The following RUFY3 variants were observed in gnomAD, a reference collection of about 807,000 sequenced individuals.
RUFY3 encodes RUN and FYVE domain containing 3.
Under a neutral mutation model 84.0 loss-of-function variants are expected in RUFY3, and 34 were observed. The observed-to-expected ratio is 0.40, with a 90% CI of 0.31 to 0.54. The LOEUF is 0.54. RUFY3 is among the 20% of genes least tolerant of loss of function. The pLI is 0.39. For synonymous variants in RUFY3, 242 were observed against 252.9 expected (o/e 0.96, Z 0.41); for missense variants, 507 against 736.8 (o/e 0.69, Z 3.61).
chr4:70,758,477 T>C lies in RUFY3; in HGVS notation c.179-4042T>C, dbSNP rs560415803. Among the ~76,000 whole-genome samples the C allele has an allele frequency of 2.2e-4, 33 of 152,264 alleles. No homozygotes were observed. The South Asian group carries it at 3.9e-3, about 18-fold the overall frequency. Reference sequence around the variant, plus strand: ...AAGACTAAATAGCCATACTTTTGTATACTATTCAGCACAAAAATGTTAATA... The same window carrying C: ...AAGACTAAATAGCCATACTTTTGTACACTATTCAGCACAAAAATGTTAATA... On this transcript the variant is annotated intron_variant, in intron 1 of 17. Coordinates refer to ENST00000381006, the MANE Select transcript of RUFY3 (RefSeq NM_001037442.4).
chr4:70,705,351 G>A, intron 1 of RUFY3: 1 of 1,216,630 alleles, frequency 8.2e-7, no homozygotes, highest in Non-Finnish European at 1.1e-6. Context: ...CGGCTGGGGA[G>A]GGCCGGCCCG....
chr4:70,791,932 C>T, intron 12 of RUFY3: 1 of 984,448 alleles, frequency 1.0e-6, no homozygotes, highest in Non-Finnish European at 1.2e-6. Context: ...AAAGAAAAAG[C>T]AGCATCCTTA....
At chr4:70,758,199 T>C (rs1724362980) in intron 1 of RUFY3, among the ~76,000 whole-genome samples, 1 of 152,234 alleles carries the variant, frequency 6.6e-6, no homozygotes, top group South Asian at 2.1e-4. Context: ...TGTCAGGTCA[T>C]TGCAGCCCTT....
intron 10 of RUFY3, 44 bp downstream of exon 10, chr4:70,784,923 G>A: frequency 7.3e-7 from 1 of 1,362,960 alleles, no homozygotes; most frequent in Non-Finnish European, 1.0e-6. Context: ...TATATTAAAA[G>A]GTAACTGCCC....
At chr4:70,769,164 T>G (rs561082530) in intron 5 of RUFY3, among the ~76,000 whole-genome samples, 1 of 152,148 alleles carries the variant, frequency 6.6e-6, no homozygotes, top group East Asian at 1.9e-4. Context: ...CTGGGCAACA[T>G]AGTGAGACCC....
intron 12 of RUFY3, chr4:70,791,717 G>GA: frequency 1.0e-6 from 1 of 1,002,490 alleles, no homozygotes; most frequent in Non-Finnish European, 1.2e-6. Flanking sequence ...ATTGCAGTGT[G>GA]ATGAACCTAG....
chr4:70,721,850 T>C, upstream of RUFY3: 1 of 1,229,786 alleles, frequency 8.1e-7, no homozygotes, highest in Non-Finnish European at 1.0e-6. Context: ...TTGTACAGGA[T>C]GAGAGAGAGA....
intron 1 of RUFY3, 72 bp from the exon 2 acceptor site, chr4:70,762,447 A>G (rs893073312): frequency 7.3e-7 from 1 of 1,369,894 alleles, no homozygotes; most frequent in African/African-American, 1.4e-5. Context: ...GGAGAAGAAT[A>G]CAACTAATAC....
At chr4:70,716,255 C>T (rs1014917608) in intron 1 of RUFY3, among the ~76,000 whole-genome samples, 1 of 152,040 alleles carries the variant, frequency 6.6e-6, no homozygotes, top group African/African-American at 2.4e-5. Flanking sequence ...AAGCAATTCT[C>T]CTGCTTCAGT....
At chr4:70,709,616 G>A (rs1253597673) in intron 1 of RUFY3, among the ~76,000 whole-genome samples, 1 of 152,192 alleles carries the variant, frequency 6.6e-6, no homozygotes, top group Non-Finnish European at 1.5e-5. Flanking sequence ...AGGCCATGGT[G>A]TAATACTTTT....
intron 1 of RUFY3, among the ~76,000 whole-genome samples, chr4:70,751,443 ATAAT>A (rs1449847021): frequency 6.6e-6 from 1 of 152,210 alleles, no homozygotes; most frequent in Non-Finnish European, 1.5e-5. Flanking sequence ...GCTTCAATGA[ATAAT>A]TATTATTGTT....
At chr4:70,791,730 G>A in intron 12 of RUFY3, 1 of 994,550 alleles carries the variant, frequency 1.0e-6, no homozygotes, top group Non-Finnish European at 1.2e-6. Context: ...GAACCTAGAG[G>A]TAACTACCAT....
chr4:70,704,985 G>A (rs1487621062), exon 1 of RUFY3: 6 of 1,226,828 alleles, frequency 4.9e-6, no homozygotes, highest in South Asian at 7.5e-5. Flanking sequence ...AAGTTGCAGC[G>A]AGGAGCCGGC....
intron 5 of RUFY3, among the ~76,000 whole-genome samples, chr4:70,770,903 G>A (rs1328770372): frequency 6.6e-6 from 1 of 152,092 alleles, no homozygotes; most frequent in Non-Finnish European, 1.5e-5. Flanking sequence ...AGTGGCCATT[G>A]CAGGGTTATT....
chr4:70,708,644 A>G (rs1048817455), intron 1 of RUFY3, among the ~76,000 whole-genome samples: 5 of 152,322 alleles, frequency 3.3e-5, no homozygotes, highest in Non-Finnish European at 7.4e-5. Flanking sequence ...TTAAGGTGGT[A>G]TTATCTTTTT....
chr4:70,709,059 A>G (rs1471786935), intron 1 of RUFY3, among the ~76,000 whole-genome samples: 4 of 152,244 alleles, frequency 2.6e-5, no homozygotes, highest in East Asian at 1.9e-4. Context: ...TGCTGTTTCA[A>G]AAAAAAGTTT....
intron 15 of RUFY3, 60 bp from the exon 16 acceptor site, chr4:70,802,896 G>A: frequency 8.2e-7 from 1 of 1,223,036 alleles, no homozygotes; most frequent in South Asian, 1.3e-5. Flanking sequence ...TTATTGAAAT[G>A]ATATAAATGA....
chr4:70,751,852 C>G (rs1723182828), intron 1 of RUFY3, among the ~76,000 whole-genome samples: 1 of 152,126 alleles, frequency 6.6e-6, no homozygotes, highest in South Asian at 2.1e-4. Context: ...AGTTTTAGCT[C>G]TTACACTTTG....
At chr4:70,793,006 G>A (rs987612412) in intron 12 of RUFY3, 18 of 985,152 alleles carry the variant, frequency 1.8e-5, no homozygotes, top group African/African-American at 7.0e-5. Context: ...CATAGCATGC[G>A]TTTAAATTCT....
Sources: gnomAD v4.1 joint callset for allele counts (sites outside exome capture counted in the v4.1 genomes callset) on GRCh38, gnomAD v4.1.1 for gene constraint, MANE v1.5 for transcripts, NCBI Gene and HGNC (gene_info 2026-07-23, HGNC 2026-07-21) for gene names.